Variants in GNB2 observed in about 807,000 individuals in gnomAD.
GNB2 encodes the protein guanine nucleotide-binding protein G(I)/G(S)/G(T) subunit beta-2.
A neutral mutation model predicts 40.7 loss-of-function variants in GNB2; 7 were observed. The observed-to-expected ratio is 0.17, with a 90% confidence interval of 0.10 to 0.32. The LOEUF (loss-of-function observed/expected upper bound fraction) is 0.32. Among genes scored for constraint, GNB2 ranks in the 10% least tolerant of loss-of-function variants. The pLI, the probability that GNB2 is intolerant of heterozygous loss-of-function variation, is 1.00. For missense variants in GNB2, 286 were observed against 473.0 expected, an observed-to-expected ratio of 0.60 and a Z score of 3.67; for synonymous variants, 254 against 191.2, an observed-to-expected ratio of 1.33 and a Z score of -2.71.
intron 7 of GNB2, 139 bp from the exon 8 acceptor site, chr7:100,677,959 C>A: frequency 1.0e-6 from 1 of 978,068 alleles, no homozygotes; most frequent in Non-Finnish European, 1.6e-6. Flanking sequence ...AGGGATGCGT[C>A]CCCTCCCCAC....
At position 100,678,457 on chromosome 7, in the gene GNB2, C is replaced by G. The variant is rs779424974; in HGVS notation, c.759C>G (p.Phe253Leu). Residue 253 changes from phenylalanine to leucine, a missense_variant, in exon 9 of 10, where the codon TTC (phenylalanine) becomes TTG (leucine). Transcript: ENST00000303210. ...TGSDDATCRLFDLRADQELLM... is the reference protein window; with the variant it reads ...TGSDDATCRLLDLRADQELLM... ...CTGACGACGCCACGTGCCGCCTCTT[C>G]GACCTGCGGGCCGATCAGGAGCTCC... 6.2e-7 allele frequency: 1 copy of G among 1,613,834 alleles called. No homozygotes were observed. The highest frequency in any genetic ancestry group is 1.3e-5 in the African/African-American group (1 of 75,074).
At chr7:100,674,415 T>C (rs1325876115) in intron 1 of GNB2, among the ~76,000 whole-genome samples, 1 of 152,144 alleles carries the variant, frequency 6.6e-6, no homozygotes, top group Non-Finnish European at 1.5e-5. Flanking sequence ...ATTTGGGTGC[T>C]GCCCGTGGTT....
Position 100,676,699 on chromosome 7 carries a change from G to A in GNB2, c.103G>A (p.Ala35Thr). Residue 35 changes from alanine (A) to threonine (T), a missense_variant, in exon 4 of 10, where the codon GCT becomes ACT. Ala to Thr is a moderately conservative substitution (Grantham distance 58). Transcript: ENST00000303210. Reference protein sequence around the residue: ...CGDSTLTQITAGLDPVGRIQM... With the variant: ...CGDSTLTQITTGLDPVGRIQM... ...ATTCTGTCTCTACCTCCAGATCACAGCTGGGCTGGACCCAGTGGGGAGAAT... is the reference window on the plus strand; with the variant it reads ...ATTCTGTCTCTACCTCCAGATCACAACTGGGCTGGACCCAGTGGGGAGAAT... 1 of 1,610,076 alleles carries A rather than the reference G, an allele frequency of 6.2e-7. No homozygotes were observed. Among genetic ancestry groups the A allele is most frequent in the Non-Finnish European group, 8.5e-7 (1 of 1,176,762 alleles).
chr7:100,677,304 C>T (rs376155887), intron 4 of GNB2, 48 bp from the exon 5 acceptor site: 12 of 1,496,416 alleles, frequency 8.0e-6, no homozygotes, highest in African/African-American at 5.5e-5. Flanking sequence ...GGGGGTGTGT[C>T]TTGTTTTCAC....
At chr7:100,677,314 C>A in intron 4 of GNB2, 38 bp from the exon 5 acceptor site, 2 of 1,561,914 alleles carry the variant, frequency 1.3e-6, no homozygotes, top group East Asian at 2.2e-5. Context: ...CTTGTTTTCA[C>A]GCCACCCTTC....
In GNB2 at chr7:100,678,955, GCC is replaced by G. The variant is rs1294001093; in HGVS notation, c.*158_*159del. ...CCACCCAGGTTTGGTTCCTCCCGGG[GCC>G]CCCACTGTGGAGATAAGAAGGGGAT... On this transcript the variant is annotated 3_prime_UTR_variant, in exon 10 of 10. Transcript: ENST00000303210. 4 of 624,906 alleles carry G rather than the reference GCC, an allele frequency of 6.4e-6. No homozygotes were observed. The highest frequency in any genetic ancestry group is 1.1e-5 in the Non-Finnish European group (4 of 350,958). 38.7% of individuals were successfully genotyped at this position (624,906 alleles called of 1,614,324 possible). A position where few individuals can be genotyped will look rare whatever the true frequency, so the allele number is the denominator to read the frequency against.
intron 1 of GNB2, 25 bp from the exon 2 acceptor site, chr7:100,676,152 C>T: frequency 3.2e-6 from 2 of 624,670 alleles, no homozygotes; most frequent in Middle Eastern, 4.4e-4. Flanking sequence ...GGCCTCGGGC[C>T]TGACGTCAGC....
intron 7 of GNB2, 27 bp downstream of exon 7, chr7:100,677,845 C>G: frequency 6.3e-7 from 1 of 1,594,054 alleles, no homozygotes; most frequent in Non-Finnish European, 8.6e-7. Flanking sequence ...GCTGGGCAGT[C>G]TGGGCAAACC....
chr7:100,677,206 G>A, intron 4 of GNB2, 146 bp from the exon 5 acceptor site: 1 of 653,612 alleles, frequency 1.5e-6, no homozygotes, highest in East Asian at 2.7e-5. Flanking sequence ...GAGCCTAGGA[G>A]TTCCAGGCTG....
chr7:100,676,188 G>A lies in GNB2; in HGVS notation c.-78G>A. On this transcript the variant is annotated 5_prime_UTR_variant, in exon 2 of 10. Coordinates refer to ENST00000303210, the MANE Select transcript of GNB2 (RefSeq NM_005273.4). ...CCTGCATCCCCCAGGCCTCGGGCCA[G>A]CGGCCAGGAGCTGCCTCCCCCAGCC... 1.2e-6 allele frequency: 1 copy of A among 837,118 alleles called. No homozygotes were observed. The highest frequency in any genetic ancestry group is 1.9e-6 in the Non-Finnish European group (1 of 527,908). 51.9% of individuals were successfully genotyped at this position (837,118 alleles called of 1,614,324 possible).
chr7:100,678,611 G>A lies in GNB2; in HGVS notation c.913G>A (p.Ala305Thr), dbSNP rs1163988980. Residue 305 changes from alanine (A) to threonine (T), a missense_variant, in exon 9 of 10, where the codon GCA becomes ACA. Physicochemically the swap from Ala to Thr is moderately conservative, Grantham distance 58. Transcript: ENST00000303210. Reference sequence around the variant, plus strand: ...CTGGGATGCCATGAAGGGCGACCGTGCAGGTGACAGCTGGGGCCCAGGCTG... The same window carrying A: ...CTGGGATGCCATGAAGGGCGACCGTACAGGTGACAGCTGGGGCCCAGGCTG... Reference protein sequence around the residue: ...NIWDAMKGDRAGVLAGHDNRV... With the variant: ...NIWDAMKGDRTGVLAGHDNRV... 24 of 1,612,868 alleles carry A rather than the reference G, an allele frequency of 1.5e-5. No homozygotes were observed. The highest frequency in any genetic ancestry group is 6.7e-5 in the African/African-American group (5 of 74,942).
chr7:100,678,987 T>TG lies in GNB2; in HGVS notation c.*191dup, dbSNP rs1323162953. 3.4e-6 allele frequency: 2 copies of TG among 583,802 alleles called. No homozygotes were observed. The highest frequency in any genetic ancestry group is 6.1e-6 in the Non-Finnish European group (2 of 325,364). 36.2% of individuals were successfully genotyped at this position (583,802 alleles called of 1,614,324 possible). A position where few individuals can be genotyped will look rare whatever the true frequency, so the allele number is the denominator to read the frequency against. On this transcript the variant is annotated 3_prime_UTR_variant, in exon 10 of 10. Transcript: ENST00000303210. ...CTGTGGAGATAAGAAGGGGATGGAATGGGGGAAGAGGAGGAGCAGGAGGCC... is the reference window on the plus strand; with the variant it reads ...CTGTGGAGATAAGAAGGGGATGGAATGGGGGGAAGAGGAGGAGCAGGAGGCC...
chr7:100,674,460 G>A (rs1409110831), intron 1 of GNB2, among the ~76,000 whole-genome samples: 1 of 151,842 alleles, frequency 6.6e-6, no homozygotes, highest in Non-Finnish European at 1.5e-5. Flanking sequence ...AGCCCTCGGC[G>A]CCCTATTCCC....
chr7:100,676,455 C>T (rs1804349435), intron 2 of GNB2, 80 bp from the exon 3 acceptor site: 16 of 1,356,824 alleles, frequency 1.2e-5, no homozygotes, highest in Non-Finnish European at 1.6e-5. Flanking sequence ...CCTGTCCACT[C>T]CTGTCTTCTG....
Position 100,676,235 on chromosome 7 carries a change from G to T in GNB2, c.-31G>T. 7.2e-7 allele frequency: 1 copy of T among 1,383,410 alleles called. No individual in the cohort carries two copies. Among genetic ancestry groups the T allele is most frequent in the Non-Finnish European group, 1.0e-6 (1 of 995,058 alleles). 85.7% of individuals were successfully genotyped at this position (1,383,410 alleles called of 1,614,324 possible). A position where few individuals can be genotyped will look rare whatever the true frequency, so the allele number is the denominator to read the frequency against. ...AGCCCCCGTCCCGCGGCCCCCAGCC[G>T]CCCCCAACCCTGCCCCACGGGCCCG... On this transcript the variant is annotated 5_prime_UTR_variant, in exon 2 of 10. Coordinates refer to ENST00000303210, the MANE Select transcript of GNB2 (RefSeq NM_005273.4).
intron 8 of GNB2, 48 bp downstream of exon 8, chr7:100,678,347 G>A: frequency 1.9e-6 from 3 of 1,603,898 alleles, no homozygotes; most frequent in South Asian, 2.2e-5. Context: ...CAGGCTCCCG[G>A]CCCTGCTCCT....
intron 2 of GNB2, 82 bp downstream of exon 2, chr7:100,676,404 G>A: frequency 3.0e-6 from 4 of 1,331,818 alleles, no homozygotes; most frequent in Non-Finnish European, 4.3e-6. Flanking sequence ...TGTTGGTGGG[G>A]GAAGGGGGAG....
intron 8 of GNB2, 35 bp downstream of exon 8, chr7:100,678,334 C>G (rs1444560399): frequency 6.2e-7 from 1 of 1,604,264 alleles, no homozygotes. Context: ...AGGCCCTCCC[C>G]ACCAGGCTCC....
intron 7 of GNB2, 113 bp from the exon 8 acceptor site, chr7:100,677,985 G>A: frequency 9.4e-7 from 1 of 1,062,808 alleles, no homozygotes; most frequent in African/African-American, 1.6e-5. Flanking sequence ...GCTCTGAGAA[G>A]AGCCTCCCTG....
Sources: allele counts gnomAD v4.1 joint callset (sites outside exome capture counted in the v4.1 genomes callset), GRCh38; gene constraint gnomAD v4.1.1; transcripts MANE v1.5; gene names NCBI Gene and HGNC (gene_info 2026-07-23, HGNC 2026-07-21).